Variants in ZC3H7B observed in about 807,000 individuals in gnomAD.
The protein encoded by ZC3H7B is zinc finger CCCH domain-containing protein 7B.
In ZC3H7B, 35 loss-of-function variants were observed where a neutral mutation model predicts 116.0. The ratio of observed to expected loss-of-function variants is 0.30; its 90% confidence interval spans 0.23 to 0.40. The LOEUF (loss-of-function observed/expected upper bound fraction) is 0.40. Ranked by LOEUF, ZC3H7B falls within the 10% of genes least tolerant of loss-of-function variation. ZC3H7B has a pLI of 1.00. For missense variants in ZC3H7B, 1,011 were observed against 1,321.5 expected (o/e 0.77, Z 3.64); for synonymous variants, 502 against 545.6 (o/e 0.92, Z 1.11).
intron 7 of ZC3H7B, chr22:41,333,154 C>G (rs2036403557): frequency 6.6e-6 from 1 of 152,458 alleles, no homozygotes; most frequent in South Asian, 2.1e-4. Flanking sequence ...CACAGCGAGG[C>G]AGCAGCAGGC....
In ZC3H7B at chr22:41,334,645, C is replaced by T. The variant is rs1295668629; in HGVS notation, c.582+2418C>T. 3.3e-5 allele frequency: 5 copies of T among 152,472 alleles called. No homozygotes were observed. In the East Asian group the frequency reaches 5.8e-4, roughly 18 times the overall value. The allele number at this position is 152,472 out of a possible 1,614,324, so 9.4% of individuals were successfully genotyped here. A position where few individuals can be genotyped will look rare whatever the true frequency, so the allele number is the denominator to read the frequency against. ...ATGGTACAGCACACATGTGAGCACA[C>T]ACATGTGCACATGCACAAACGGAGT... On this transcript the variant is annotated intron_variant, in intron 7 of 22. Transcript: ENST00000352645.
At chr22:41,320,819 G>A in intron 2 of ZC3H7B, 106 bp downstream of exon 2, 2 of 1,513,110 alleles carry the variant, frequency 1.3e-6, no homozygotes, top group Non-Finnish European at 1.8e-6. Flanking sequence ...AGCCTTTGCT[G>A]CCAAGGCTCC....
intron 20 of ZC3H7B, 53 bp downstream of exon 20, chr22:41,356,115 G>A: frequency 1.3e-6 from 2 of 1,499,506 alleles, no homozygotes; most frequent in Non-Finnish European, 8.9e-7. Context: ...CTTCAGTGCT[G>A]AATGTCTCAA....
In ZC3H7B at chr22:41,357,511, G is replaced by C; in HGVS notation, c.*82G>C. ...AGGCCTGATAGAAGGGTCAGGGCAG[G>C]CCAGGGGGGTGGGGGGCCGCCCTCA... On this transcript the variant is annotated 3_prime_UTR_variant, in exon 23 of 23. Coordinates refer to ENST00000352645, the MANE Select transcript of ZC3H7B (RefSeq NM_017590.6). This position sits in a 1 kb window ranked among gnomAD's most constrained non-coding sequence, Gnocchi z 5.4. 4 of 623,386 alleles carry C rather than the reference G, an allele frequency of 6.4e-6. No individual in the cohort carries two copies. Among genetic ancestry groups the C allele is most frequent in the Non-Finnish European group, 7.8e-6 (3 of 385,612 alleles). The allele number at this position is 623,386 out of a possible 1,614,324, so 38.6% of individuals were successfully genotyped here.
chr22:41,349,926 A>G lies in ZC3H7B; in HGVS notation c.1948+625A>G, dbSNP rs768407201. ...TTACCCCTACTGCCTGTCATCATTTAATTAGCAGCATTTTGTGGGGCGGGG... is the reference window on the plus strand; with the variant it reads ...TTACCCCTACTGCCTGTCATCATTTGATTAGCAGCATTTTGTGGGGCGGGG... On this transcript the variant is annotated intron_variant, in intron 16 of 22. Transcript: ENST00000352645. The surrounding 1 kb of genome is among the most constrained non-coding windows in gnomAD (Gnocchi z 4.9). 2.0e-5 allele frequency among the ~76,000 whole-genome samples: 3 copies of G among 152,222 alleles called. No homozygotes were observed. Among genetic ancestry groups the G allele is most frequent in the Non-Finnish European group, 2.9e-5 (2 of 68,040 alleles).
intron 1 of ZC3H7B, among the ~76,000 whole-genome samples, chr22:41,303,468 A>G (rs1313239712): frequency 6.6e-6 from 1 of 152,230 alleles, no homozygotes; most frequent in African/African-American, 2.4e-5. Flanking sequence ...CGGTTGAGAC[A>G]TGGATAGAGA....
chr22:41,357,708 CT>C lies in ZC3H7B; in HGVS notation c.*280del. On this transcript the variant is annotated 3_prime_UTR_variant, in exon 23 of 23. Coordinates refer to ENST00000352645, the MANE Select transcript of ZC3H7B (RefSeq NM_017590.6). This position sits in a 1 kb window ranked among gnomAD's most constrained non-coding sequence, Gnocchi z 5.4. ...GAGGAGGGAGGGGCCTGGCTGACCC[CT>C]CCAGCTTCAGCCTCCAGCTTTAACT... 3.9e-6 allele frequency: 2 copies of C among 507,952 alleles called. No individual in the cohort carries two copies. The highest frequency in any genetic ancestry group is 7.1e-6 in the Non-Finnish European group (2 of 281,928). The allele number at this position is 507,952 out of a possible 1,614,324, so 31.5% of individuals were successfully genotyped here. A position where few individuals can be genotyped will look rare whatever the true frequency, so the allele number is the denominator to read the frequency against.
In ZC3H7B at chr22:41,327,090, G is replaced by A. The variant is rs2036328453; in HGVS notation, c.286-116G>A. ...GCCCTGTCCCTGACCCAAGACTTCA[G>A]CTCCTCTGTCTCTGCCAGGAAGGGA... On this transcript the variant is annotated intron_variant, in intron 4 of 22. Transcript: ENST00000352645. This position sits in a 1 kb window ranked among gnomAD's most constrained non-coding sequence, Gnocchi z 4.5. 2.1e-6 allele frequency: 3 copies of A among 1,453,400 alleles called. No homozygotes were observed. The highest frequency in any genetic ancestry group is 1.4e-5 in the African/African-American group (1 of 71,266). 90.0% of individuals were successfully genotyped at this position (1,453,400 alleles called of 1,614,324 possible).
chr22:41,342,966 A>C (rs1348728812), intron 12 of ZC3H7B, among the ~76,000 whole-genome samples: 1 of 152,134 alleles, frequency 6.6e-6, no homozygotes, highest in Non-Finnish European at 1.5e-5. Context: ...TGAGGTCAGG[A>C]GTTTGAGATC....
intron 7 of ZC3H7B, among the ~76,000 whole-genome samples, chr22:41,337,679 C>T (rs901557674): frequency 2.0e-5 from 3 of 152,156 alleles, no homozygotes; most frequent in African/African-American, 7.2e-5. Context: ...AGACCCTTGC[C>T]ACCTTCACCG....
intron 1 of ZC3H7B, among the ~76,000 whole-genome samples, chr22:41,306,504 G>T (rs2036043140): frequency 6.6e-6 from 1 of 151,570 alleles, no homozygotes; most frequent in Admixed American, 6.6e-5. Context: ...CTCTCAAGTA[G>T]CTGGGATTAC....
Position 41,357,512 on chromosome 22 carries a change from C to T in ZC3H7B, c.*83C>T, listed in dbSNP as rs2036737875. On this transcript the variant is annotated 3_prime_UTR_variant, in exon 23 of 23. Transcript: ENST00000352645. The surrounding 1 kb of genome is among the most constrained non-coding windows in gnomAD (Gnocchi z 5.4). The stretch of plus-strand genomic sequence containing the variant: ...GGCCTGATAGAAGGGTCAGGGCAGG[C>T]CAGGGGGGTGGGGGGCCGCCCTCAT... The T allele has an allele frequency of 3.7e-6, 4 of 1,075,798 alleles. No individual in the cohort carries two copies. In the Admixed American group the frequency reaches 9.8e-5, roughly 26 times the overall value. The allele number at this position is 1,075,798 out of a possible 1,614,324, so 66.6% of individuals were successfully genotyped here. A position where few individuals can be genotyped will look rare whatever the true frequency, so the allele number is the denominator to read the frequency against.
intron 1 of ZC3H7B, among the ~76,000 whole-genome samples, chr22:41,314,338 G>A (rs2036154467): frequency 6.6e-6 from 1 of 151,310 alleles, no homozygotes; most frequent in Non-Finnish European, 1.5e-5. Context: ...TGTATTTTTA[G>A]TAGAGATGGG....
In ZC3H7B at chr22:41,338,461, G is replaced by A. The variant is rs2036473348; in HGVS notation, c.625+106G>A. ...CCCTGTAGATGGGAGGGCCTCCGAG[G>A]GGTTCCCCACCCTGGTACTCCCTGA... On this transcript the variant is annotated intron_variant, in intron 8 of 22. Transcript: ENST00000352645. The surrounding 1 kb of genome is among the most constrained non-coding windows in gnomAD (Gnocchi z 4.5). 1 of 1,240,588 alleles carries A rather than the reference G, an allele frequency of 8.1e-7. No individual in the cohort carries two copies. The highest frequency in any genetic ancestry group is 1.3e-5 in the South Asian group (1 of 76,192). 76.8% of individuals were successfully genotyped at this position (1,240,588 alleles called of 1,614,324 possible).
In ZC3H7B at chr22:41,327,169, A is replaced by G. The variant is rs1162005209; in HGVS notation, c.286-37A>G. On this transcript the variant is annotated intron_variant, in intron 4 of 22. Coordinates refer to ENST00000352645, the MANE Select transcript of ZC3H7B (RefSeq NM_017590.6). This position sits in a 1 kb window ranked among gnomAD's most constrained non-coding sequence, Gnocchi z 4.5. The stretch of plus-strand genomic sequence containing the variant: ...GGAGGCCTGGGGGAGGGAGGGTAAC[A>G]GGTGTTGACCAGTGACCACATGCTC... The G allele has an allele frequency of 1.9e-6, 3 of 1,605,730 alleles. No individual in the cohort carries two copies. The highest frequency in any genetic ancestry group is 1.3e-5 in the African/African-American group (1 of 74,918).
At chr22:41,352,816 G>A (rs975622146) in intron 17 of ZC3H7B, among the ~76,000 whole-genome samples, 15 of 151,782 alleles carry the variant, frequency 9.9e-5, no homozygotes, top group Non-Finnish European at 1.0e-4. Context: ...GGTGGCTGAC[G>A]CCTGTAATCC....
chr22:41,310,001 C>G (rs979056679), intron 1 of ZC3H7B, among the ~76,000 whole-genome samples: 6 of 151,790 alleles, frequency 4.0e-5, no homozygotes, highest in Non-Finnish European at 7.4e-5. Flanking sequence ...TTCAGGAGAT[C>G]GAGACCATCC....
chr22:41,309,009 T>C (rs976603413), intron 1 of ZC3H7B, among the ~76,000 whole-genome samples: 3 of 89,382 alleles, frequency 3.4e-5, no homozygotes, highest in South Asian at 8.0e-4. Context: ...CCCAGTCTGC[T>C]TTTTTTTTTT....
chr22:41,340,145 C>A lies in ZC3H7B; in HGVS notation c.1138+8C>A. ...AACCTGACTCCTTCATGGGTAAGGCCATGGGTGGGCCCGTTCAACCTCCCT... is the reference window on the plus strand; with the variant it reads ...AACCTGACTCCTTCATGGGTAAGGCAATGGGTGGGCCCGTTCAACCTCCCT... On this transcript the variant is annotated splice_region_variant and intron_variant, in intron 10 of 22. Coordinates refer to ENST00000352645, the MANE Select transcript of ZC3H7B (RefSeq NM_017590.6). The A allele has an allele frequency of 6.3e-7, 1 of 1,590,148 alleles. No individual in the cohort carries two copies. Among genetic ancestry groups the A allele is most frequent in the Non-Finnish European group, 8.6e-7 (1 of 1,166,960 alleles).
Sources: allele counts gnomAD v4.1 joint callset (sites outside exome capture counted in the v4.1 genomes callset), GRCh38; gene constraint gnomAD v4.1.1; non-coding constraint Gnocchi (gnomAD v3.1); transcripts MANE v1.5; gene names NCBI Gene and HGNC (gene_info 2026-07-23, HGNC 2026-07-21).